MYO7A: variants seen among roughly 807,000 people sequenced by gnomAD.
The protein encoded by MYO7A is myosin VIIA, also known as unconventional myosin-VIIa.
Under a neutral mutation model 263.8 loss-of-function variants are expected in MYO7A, and 210 were observed. That is an observed-to-expected ratio of 0.80 (90% CI 0.71 to 0.89). The LOEUF (loss-of-function observed/expected upper bound fraction) is 0.89. MYO7A is among the 40% of genes least tolerant of loss of function. The pLI, the probability that MYO7A is intolerant of heterozygous loss-of-function variation, is 0.00. For missense variants in MYO7A, 2,820 were observed against 2,968.3 expected, an observed-to-expected ratio of 0.95 and a Z score of 1.16; for synonymous variants, 1,239 against 1,197.3, an observed-to-expected ratio of 1.03 and a Z score of -0.72.
At chr11:77,131,184 C>A (rs1436510426) in intron 2 of MYO7A, among the ~76,000 whole-genome samples, 1 of 152,134 alleles carries the variant, frequency 6.6e-6, no homozygotes, top group Non-Finnish European at 1.5e-5. Context: ...AGCCCTTCCC[C>A]GTGATCAGTC....
At chr11:77,152,079 AGCT>A (rs1354441699) in intron 4 of MYO7A, among the ~76,000 whole-genome samples, 9 of 152,206 alleles carry the variant, frequency 5.9e-5, no homozygotes, top group Non-Finnish European at 1.2e-4. Flanking sequence ...ATGGGGTGGG[AGCT>A]GCAAAGTCCT....
At chr11:77,143,688 A>C (rs1951367633) in intron 3 of MYO7A, among the ~76,000 whole-genome samples, 1 of 152,162 alleles carries the variant, frequency 6.6e-6, no homozygotes, top group East Asian at 1.9e-4. Flanking sequence ...ATCCAGGGAG[A>C]TTCAGCTCTG....
Position 77,211,320 on chromosome 11 carries a change from C to T in MYO7A, c.6220C>T (p.Pro2074Ser), listed in dbSNP as rs747131589. 12 of 1,582,492 alleles carry T rather than the reference C, an allele frequency of 7.6e-6. No individual in the cohort carries two copies. The Admixed American group carries it at 9.0e-5, about 12-fold the overall frequency. The change falls in exon 45 of 49, where the codon CCT (proline) becomes TCT (serine). Residue 2074 changes from proline to serine, a missense_variant. Transcript: ENST00000409709. The stretch of plus-strand genomic sequence containing the variant: ...CCAGGACCTTATCCGGCAGGTCTCA[C>T]CTGATGACTGGAAGCGGGTGAGCAT... The part of the protein sequence containing the change: ...VPQDLIRQVS[P>S]DDWKRSIVAY...
chr11:77,201,259 G>A (rs1379753092), intron 35 of MYO7A, among the ~76,000 whole-genome samples, 189 bp from the exon 36 acceptor site: 1 of 152,232 alleles, frequency 6.6e-6, no homozygotes, highest in Non-Finnish European at 1.5e-5. Flanking sequence ...GCAATGAGGA[G>A]CCGTGGAAGG....
chr11:77,129,724 T>A (rs1950710185), intron 1 of MYO7A, among the ~76,000 whole-genome samples: 1 of 152,136 alleles, frequency 6.6e-6, no homozygotes, highest in Non-Finnish European at 1.5e-5. Context: ...TTGGGAGTGG[T>A]CAGGGAAGGC....
chr11:77,132,595 TCTC>T (rs2135533120), intron 2 of MYO7A, among the ~76,000 whole-genome samples: 1 of 152,208 alleles, frequency 6.6e-6, no homozygotes, highest in Admixed American at 6.5e-5. Flanking sequence ...TTCAAGCAAT[TCTC>T]CTGCCTCAGC....
At chr11:77,197,429 G>A in intron 32 of MYO7A, 52 bp from the exon 33 acceptor site, 1 of 1,395,258 alleles carries the variant, frequency 7.2e-7, no homozygotes, top group Non-Finnish European at 9.8e-7. Context: ...GATTTTTAGA[G>A]CAAACTCACT....
At chr11:77,130,781 G>A in intron 2 of MYO7A, 129 bp downstream of exon 2, 1 of 1,050,952 alleles carries the variant, frequency 9.5e-7, no homozygotes, top group South Asian at 1.4e-5. Flanking sequence ...TCCAAACCCA[G>A]CCCTCCAGGC....
At chr11:77,152,334 GCTGCTGACAGGC>G (rs1366241436) in intron 4 of MYO7A, among the ~76,000 whole-genome samples, 1 of 152,216 alleles carries the variant, frequency 6.6e-6, no homozygotes, top group African/African-American at 2.4e-5. Flanking sequence ...CTGCCTCAAT[GCTGCTGACAGGC>G]CTGTCCCCTC....
chr11:77,143,182 C>G (rs782297973), intron 3 of MYO7A, among the ~76,000 whole-genome samples: 1 of 152,178 alleles, frequency 6.6e-6, no homozygotes, highest in Non-Finnish European at 1.5e-5. Context: ...TTGTTAGCTG[C>G]GCAAACTTGG....
Position 77,202,316 on chromosome 11 carries a change from C to T in MYO7A, c.5060C>T (p.Thr1687Ile). The change falls in exon 37 of 49, where the codon ACT becomes ATT. Residue 1687 changes from threonine (T) to isoleucine (I), a missense_variant. Thr to Ile is a moderately conservative substitution (Grantham distance 89). Transcript: ENST00000409709. The part of the protein sequence containing the change: ...PREIVALVTM[T>I]PDQRQDVVRL... ...GGTCCCTAGGCCCTGGTCACCATGACTCCCGATCAGAGGCAGGACGTTGTC... is the reference window on the plus strand; with the variant it reads ...GGTCCCTAGGCCCTGGTCACCATGATTCCCGATCAGAGGCAGGACGTTGTC... The T allele has an allele frequency of 2.5e-6, 4 of 1,586,624 alleles. No individual in the cohort carries two copies. Among genetic ancestry groups the T allele is most frequent in the Non-Finnish European group, 3.4e-6 (4 of 1,165,678 alleles).
intron 3 of MYO7A, among the ~76,000 whole-genome samples, chr11:77,146,760 T>C (rs532806797): frequency 6.6e-6 from 1 of 152,104 alleles, no homozygotes; most frequent in East Asian, 1.9e-4. Flanking sequence ...GTCCTGGGGC[T>C]ACTGGGTCAT....
rs1957387969 is a variant in MYO7A, at chr11:77,205,515, C to T, written c.5534C>T (p.Pro1845Leu). The change falls in exon 40 of 49, where the codon CCA (proline) becomes CTA (leucine). Residue 1845 changes from proline to leucine, a missense_variant. Transcript: ENST00000409709. ...CTCTGGCTGTGCACGGGCCTTTTCC[C>T]ACCCAGCAACATCCTCCTGCCCCAC... ...ELLWLCTGLF[P>L]PSNILLPHVQ... The T allele has an allele frequency of 6.2e-7, 1 of 1,602,646 alleles. No homozygotes were observed. Among genetic ancestry groups the T allele is most frequent in the South Asian group, 1.1e-5 (1 of 88,536 alleles).
intron 18 of MYO7A, among the ~76,000 whole-genome samples, chr11:77,176,924 A>G (rs1954696807): frequency 6.6e-6 from 1 of 152,132 alleles, no homozygotes; most frequent in Non-Finnish European, 1.5e-5. Context: ...GTCCAACTAC[A>G]GTGAGGGTTG....
chr11:77,199,813 AC>A lies in MYO7A; in HGVS notation c.4851del (p.Ala1618GlnfsTer27). 2 of 1,585,152 alleles carry A rather than the reference AC, an allele frequency of 1.3e-6. No individual in the cohort carries two copies. Among genetic ancestry groups the A allele is most frequent in the Non-Finnish European group, 1.7e-6 (2 of 1,159,676 alleles). ...GTTGTGGCCCTGCAGGATAACCCCA[AC>A]CCCGGTGAGTGGCTGCTGGTATGGA... ...KYVVALQDNP[N>X]PAGEESGFLS... On this transcript the variant is annotated frameshift_variant, in exon 35 of 49. Coordinates refer to ENST00000409709, the MANE Select transcript of MYO7A (RefSeq NM_000260.4). LOFTEE classifies it high-confidence loss of function.
intron 27 of MYO7A, among the ~76,000 whole-genome samples, chr11:77,188,997 C>T (rs1402194871): frequency 3.3e-5 from 5 of 152,172 alleles, no homozygotes; most frequent in African/African-American, 7.2e-5. Flanking sequence ...TGGTTAGGAA[C>T]GAGGCAGAGG....
chr11:77,212,094 G>T (rs756624320), intron 46 of MYO7A, 157 bp downstream of exon 46: 2 of 720,940 alleles, frequency 2.8e-6, no homozygotes, highest in African/African-American at 1.7e-5. Context: ...CCAGCTTAGC[G>T]TCTTAGCTGG....
intron 18 of MYO7A, among the ~76,000 whole-genome samples, chr11:77,176,041 C>G (rs1379076636): frequency 6.6e-6 from 1 of 152,192 alleles, no homozygotes; most frequent in Non-Finnish European, 1.5e-5. Flanking sequence ...GCAGGGCAGC[C>G]GCAGCAGGGA....
At chr11:77,159,838 A>G (rs1477411619) in intron 10 of MYO7A, among the ~76,000 whole-genome samples, 2 of 152,186 alleles carry the variant, frequency 1.3e-5, no homozygotes, top group East Asian at 3.9e-4. Context: ...GGTCAAATGC[A>G]TTGAGTCTGT....
Sources: gnomAD v4.1 joint callset for allele counts (sites outside exome capture counted in the v4.1 genomes callset) on GRCh38, gnomAD v4.1.1 for gene constraint, MANE v1.5 for transcripts, NCBI Gene and HGNC (gene_info 2026-07-23, HGNC 2026-07-21) for gene names.